Variants in COL24A1 observed in about 807,000 individuals in gnomAD.
The protein encoded by COL24A1 is collagen type XXIV alpha 1 chain, also known as collagen alpha-1(XXIV) chain.
Under a neutral mutation model 253.9 loss-of-function variants are expected in COL24A1, and 224 were observed. The observed-to-expected ratio is 0.88, with a 90% CI of 0.79 to 0.99. The LOEUF (loss-of-function observed/expected upper bound fraction) is 0.99. Ranked by LOEUF, COL24A1 falls within the 50% of genes least tolerant of loss-of-function variation. The pLI, the probability that COL24A1 is intolerant of heterozygous loss-of-function variation, is 0.00. For missense variants in COL24A1, 2,131 were observed against 2,068.5 expected (o/e 1.03, Z -0.59); for synonymous variants, 685 against 673.7 (o/e 1.02, Z -0.26).
At chr1:85,817,574 G>A (rs1177595945) in intron 46 of COL24A1, among the ~76,000 whole-genome samples, 3 of 151,520 alleles carry the variant, frequency 2.0e-5, no homozygotes, top group African/African-American at 7.3e-5. Context: ...GGAAACTGAT[G>A]GTGAGGTAAA....
intron 7 of COL24A1, among the ~76,000 whole-genome samples, chr1:86,069,891 C>A (rs371794477): frequency 6.6e-6 from 1 of 152,264 alleles, no homozygotes; most frequent in East Asian, 1.9e-4. Flanking sequence ...AAGACTACAA[C>A]AAATACCTAA....
chr1:85,838,739 A>G, intron 42 of COL24A1, 101 bp from the exon 43 acceptor site: 1 of 998,834 alleles, frequency 1.0e-6, no homozygotes, highest in Non-Finnish European at 1.5e-6. Flanking sequence ...TGTCAAAAAT[A>G]TAAAACCAAA....
chr1:85,909,656 C>A (rs1044942654), intron 26 of COL24A1, among the ~76,000 whole-genome samples: 4 of 151,780 alleles, frequency 2.6e-5, no homozygotes, highest in Admixed American at 2.6e-4. Flanking sequence ...GAAGAGAAAT[C>A]ACAGTATGTA....
At chr1:86,116,489 A>C (rs1242233018) in intron 3 of COL24A1, among the ~76,000 whole-genome samples, 1 of 152,182 alleles carries the variant, frequency 6.6e-6, no homozygotes, top group Non-Finnish European at 1.5e-5. Flanking sequence ...AATTTCATAC[A>C]GTTTAATCTG....
chr1:86,128,955 A>G (rs1648740484), intron 2 of COL24A1, among the ~76,000 whole-genome samples: 1 of 151,920 alleles, frequency 6.6e-6, no homozygotes, highest in African/African-American at 2.4e-5. Context: ...TATTTATCAG[A>G]CAATAAAATT....
intron 37 of COL24A1, among the ~76,000 whole-genome samples, chr1:85,858,625 T>C (rs12738246): frequency 0.077 from 3,810 of 49,646 alleles, 102 homozygotes; most frequent in African/African-American, 0.11. Context: ...TTCTCCCTCC[T>C]TCCTTCCTTC....
chr1:86,100,019 GAC>G (rs1309513070), intron 5 of COL24A1, among the ~76,000 whole-genome samples: 4 of 151,970 alleles, frequency 2.6e-5, no homozygotes, highest in Non-Finnish European at 5.9e-5. Flanking sequence ...CTGCTATAAA[GAC>G]ACATGCACAC....
chr1:85,746,478 G>T (rs1446009408), intron 55 of COL24A1, among the ~76,000 whole-genome samples: 1 of 152,076 alleles, frequency 6.6e-6, no homozygotes, highest in African/African-American at 2.4e-5. Flanking sequence ...TGCCCTTATG[G>T]AACTTAAATT....
chr1:85,730,149 G>A lies in COL24A1; in HGVS notation c.*397C>T, dbSNP rs1663335163. ...AATAAGACATATTAGACTGTGGCTT[G>A]TAATTTTTAGACAGAAGCAGTGCAC... On this transcript the variant is annotated 3_prime_UTR_variant, in exon 60 of 60. Coordinates refer to ENST00000370571, the MANE Select transcript of COL24A1 (RefSeq NM_152890.7). The A allele has an allele frequency of 6.4e-6, 1 of 155,926 alleles. No homozygotes were observed. Among genetic ancestry groups the A allele is most frequent in the African/African-American group, 2.4e-5 (1 of 41,482 alleles). 9.7% of individuals were successfully genotyped at this position (155,926 alleles called of 1,614,324 possible).
chr1:86,116,596 AG>A (rs1194822606), intron 3 of COL24A1, among the ~76,000 whole-genome samples: 2 of 152,280 alleles, frequency 1.3e-5, no homozygotes, highest in African/African-American at 2.4e-5. Flanking sequence ...CAAAAACACA[AG>A]AGGGAAATGA....
At chr1:86,126,268 G>A in intron 2 of COL24A1, 54 bp from the exon 3 acceptor site, 1 of 1,460,570 alleles carries the variant, frequency 6.8e-7, no homozygotes, top group Admixed American at 2.2e-5. Flanking sequence ...GGATTCAAGT[G>A]TTCATATAAA....
rs145424095 is a variant in COL24A1, at chr1:86,024,527, T to A, written c.2050-1520A>T. ...GAAAATAAGACATCATATGGATGAGTCTTAAAGTCTGTGAAATACAGCTAA... is the reference window on the plus strand; with the variant it reads ...GAAAATAAGACATCATATGGATGAGACTTAAAGTCTGTGAAATACAGCTAA... On this transcript the variant is annotated intron_variant, in intron 14 of 59. Transcript: ENST00000370571. Among the ~76,000 whole-genome samples, 71 of 152,226 alleles carry A rather than the reference T, an allele frequency of 4.7e-4. 1 individual carries two copies. The East Asian group carries it at 0.011, about 23-fold the overall frequency.
intron 14 of COL24A1, among the ~76,000 whole-genome samples, chr1:86,026,005 A>G (rs1014461003): frequency 3.3e-5 from 5 of 152,222 alleles, no homozygotes; most frequent in Admixed American, 2.6e-4. Context: ...TATAGCAGTA[A>G]TCACAGTATA....
At position 86,093,957 on chromosome 1, in the gene COL24A1, C is replaced by A. The variant is rs117837320; in HGVS notation, c.1600-1637G>T. 2.4e-3 allele frequency among the ~76,000 whole-genome samples: 364 copies of A among 152,098 alleles called. 9 individuals are homozygous for A. In the East Asian group the frequency reaches 0.045, roughly 19 times the overall value. On this transcript the variant is annotated intron_variant, in intron 5 of 59. Transcript: ENST00000370571. ...CAATGAGATACCGTCTCACAACAGACAGAATGGCTATTTTGAAAAAGTCAA... is the reference window on the plus strand; with the variant it reads ...CAATGAGATACCGTCTCACAACAGAAAGAATGGCTATTTTGAAAAAGTCAA...
rs752017014 is a variant in COL24A1 at position 86,023,042 on chromosome 1, C to T, written c.2050-35G>A. On this transcript the variant is annotated intron_variant, in intron 14 of 59. Coordinates refer to ENST00000370571, the MANE Select transcript of COL24A1 (RefSeq NM_152890.7). The stretch of plus-strand genomic sequence containing the variant: ...AGTAAGAAAGAAATGCATCATTAAG[C>T]ATTCATTAGGATTAGAAAGAAAATG... 101 of 1,593,736 alleles carry T rather than the reference C, an allele frequency of 6.3e-5. 3 individuals are homozygous for T. In the South Asian group the frequency reaches 7.8e-4, roughly 12 times the overall value.
chr1:86,128,918 G>A lies in COL24A1; in HGVS notation c.122-2704C>T, dbSNP rs1648734074. Among the ~76,000 whole-genome samples, 2 of 151,774 alleles carry A rather than the reference G, an allele frequency of 1.3e-5. 1 individual carries two copies. The highest frequency in any genetic ancestry group is 4.1e-4 in the South Asian group (2 of 4,822). ...CTACATCAATATGTATGAGTTGACTGGTCAGTGTTTTTCTCTTATTGTCCT... is the reference window on the plus strand; with the variant it reads ...CTACATCAATATGTATGAGTTGACTAGTCAGTGTTTTTCTCTTATTGTCCT... On this transcript the variant is annotated intron_variant, in intron 2 of 59. Transcript: ENST00000370571.
At chr1:85,762,031 T>G (rs899782246) in intron 53 of COL24A1, among the ~76,000 whole-genome samples, 1 of 152,160 alleles carries the variant, frequency 6.6e-6, no homozygotes, top group African/African-American at 2.4e-5. Context: ...GATAATTAAA[T>G]GAATGAATGA....
intron 2 of COL24A1, among the ~76,000 whole-genome samples, chr1:86,138,302 G>A (rs1650556388): frequency 6.6e-6 from 1 of 152,070 alleles, no homozygotes. Flanking sequence ...GTATTACTGA[G>A]GCTGAGAGTA....
chr1:85,818,451 T>C (rs749277113), intron 45 of COL24A1, among the ~76,000 whole-genome samples: 12 of 152,232 alleles, frequency 7.9e-5, no homozygotes, highest in Admixed American at 4.6e-4. Flanking sequence ...TTGAGTATCA[T>C]GTATCAGGGA....
Sources: allele counts gnomAD v4.1 joint callset (sites outside exome capture counted in the v4.1 genomes callset), GRCh38; gene constraint gnomAD v4.1.1; transcripts MANE v1.5; gene names NCBI Gene and HGNC (gene_info 2026-07-23, HGNC 2026-07-21).